Variants in CCPG1 observed in about 807,000 individuals in gnomAD.
CCPG1 encodes cell cycle progression protein 1.
A neutral mutation model predicts 81.3 loss-of-function variants in CCPG1; 46 were observed. That is an observed-to-expected ratio of 0.57 (90% CI 0.45 to 0.72). CCPG1 has a LOEUF of 0.72. Among genes scored for constraint, CCPG1 ranks in the 30% least tolerant of loss-of-function variants. The pLI is 0.00. For synonymous variants in CCPG1, 330 were observed against 305.2 expected, an observed-to-expected ratio of 1.08 and a Z score of -0.85; for missense variants, 902 against 937.6, an observed-to-expected ratio of 0.96 and a Z score of 0.50.
Position 55,385,654 on chromosome 15 carries a change from C to G in CCPG1, c.121G>C (p.Glu41Gln). The G allele has an allele frequency of 4.3e-6, 7 of 1,612,714 alleles. No individual in the cohort carries two copies. In the South Asian group the frequency reaches 6.6e-5, roughly 15 times the overall value. Residue 41 changes from glutamate to glutamine, a missense_variant, in exon 3 of 9, where the codon GAA (glutamate) becomes CAA (glutamine). Glu to Gln is a conservative substitution (Grantham distance 29). Around this residue, in one of 3 missense-constraint regions of CCPG1, gnomAD observed 746 missense variants for 728.6 expected, o/e 1.02. Transcript: ENST00000442196. ...TPTDSCEPAP[E>Q]CSSLEQEELQ... Reference sequence around the variant, plus strand: ...TCCTCTTGCTCTAAAGATGAACATTCTGGGGCGGGCTCACAGCTGTCAGTG... The same window carrying G: ...TCCTCTTGCTCTAAAGATGAACATTGTGGGGCGGGCTCACAGCTGTCAGTG...
chr15:55,368,904 G>C (rs546375852), intron 6 of CCPG1, among the ~76,000 whole-genome samples: 199 of 152,146 alleles, frequency 1.3e-3, no homozygotes, highest in African/African-American at 4.5e-3. Context: ...TTAAGGTCAG[G>C]AGTTCGAGAC....
chr15:55,391,517 T>C (rs2056913262), intron 1 of CCPG1, among the ~76,000 whole-genome samples: 1 of 151,228 alleles, frequency 6.6e-6, no homozygotes, highest in African/African-American at 2.5e-5. Context: ...AGAATCATGT[T>C]TATAATAGCT....
chr15:55,359,343 A>G, intron 8 of CCPG1, 196 bp downstream of exon 8: 2 of 1,327,660 alleles, frequency 1.5e-6, no homozygotes, highest in Non-Finnish European at 1.9e-6. Context: ...TGATCACGTT[A>G]TAATGAAATG....
intron 7 of CCPG1, among the ~76,000 whole-genome samples, chr15:55,363,710 C>G (rs1237039256): frequency 6.7e-6 from 1 of 149,490 alleles, no homozygotes; most frequent in Non-Finnish European, 1.5e-5. Flanking sequence ...AGAAATATAA[C>G]CTGTAAGGGA....
In CCPG1 at chr15:55,378,287, A is replaced by T. The variant is rs767071068; in HGVS notation, c.252+13T>A. 1 of 1,548,202 alleles carries T rather than the reference A, an allele frequency of 6.5e-7. No individual in the cohort carries two copies. Among genetic ancestry groups the T allele is most frequent in the East Asian group, 2.2e-5 (1 of 44,470 alleles). On this transcript the variant is annotated intron_variant, in intron 4 of 8. Coordinates refer to ENST00000442196, the MANE Select transcript of CCPG1 (RefSeq NM_001204450.2). ...TATTTAACATATATCCACAGTGTAA[A>T]ATACAAGTTTACCTCAATTGTTGAG...
At chr15:55,378,239 T>C (rs2056606658) in intron 4 of CCPG1, 61 bp downstream of exon 4, 1 of 1,019,560 alleles carries the variant, frequency 9.8e-7, no homozygotes, top group Non-Finnish European at 1.5e-6. Flanking sequence ...AATTAGAGGC[T>C]TTAAATAGTA....
chr15:55,381,734 A>G (rs1171068060), intron 3 of CCPG1, among the ~76,000 whole-genome samples: 3 of 152,232 alleles, frequency 2.0e-5, no homozygotes, highest in Non-Finnish European at 4.4e-5. Flanking sequence ...ATATGAACAT[A>G]AGTGTATGCA....
rs377322021 is a variant in CCPG1 at position 55,371,970 on chromosome 15, G to A, written c.529C>T (p.Arg177Ter). 4.3e-6 allele frequency: 7 copies of A among 1,614,104 alleles called. No homozygotes were observed. The highest frequency in any genetic ancestry group is 2.2e-5 in the South Asian group (2 of 91,076). The change falls in exon 6 of 9, where the codon CGA (arginine) becomes TGA (stop). Residue 177 changes from arginine to a stop codon, truncating the protein, a stop_gained. Transcript: ENST00000442196. LOFTEE classifies it high-confidence loss of function. ...ACGGTCTTCTTCCTAGCACGGCGTC[G>A]TCTAAAGGCAGGACTGGGCTGATTA... ...TSNQPSPAFR[R>*]RRARKKTVSA...
chr15:55,391,589 G>C (rs2056914580), intron 1 of CCPG1, among the ~76,000 whole-genome samples: 1 of 152,152 alleles, frequency 6.6e-6, no homozygotes, highest in Non-Finnish European at 1.5e-5. Flanking sequence ...AGGGGGAAAG[G>C]AGAATGATCA....
chr15:55,356,882 T>C, intron 8 of CCPG1: 4 of 985,992 alleles, frequency 4.1e-6, no homozygotes, highest in Non-Finnish European at 4.8e-6. Context: ...ACTACTTCAC[T>C]GGAAGTCCAT....
At chr15:55,385,409 C>T (rs544701479) in intron 3 of CCPG1, among the ~76,000 whole-genome samples, 191 bp downstream of exon 3, 3 of 152,216 alleles carry the variant, frequency 2.0e-5, no homozygotes, top group East Asian at 1.9e-4. Context: ...TCAAATGATC[C>T]GCCCACCTCA....
chr15:55,365,261 T>C lies in CCPG1; in HGVS notation c.755A>G (p.Glu252Gly). 6.5e-7 allele frequency: 1 copy of C among 1,541,760 alleles called. No individual in the cohort carries two copies. Reference sequence around the variant, plus strand: ...ATCCTTCATATCATTCAATTCATCTTCATGTATCTTTCTGACTAACTGTTG... The same window carrying C: ...ATCCTTCATATCATTCAATTCATCTCCATGTATCTTTCTGACTAACTGTTG... ...KRQQLVRKIH[E>G]DELNDMKDYL... Residue 252 changes from glutamate (E) to glycine (G), a missense_variant, in exon 7 of 9, where the codon GAA becomes GGA. By Grantham distance (98) the Glu-to-Gly change is moderately conservative (BLOSUM62 -2). Around this residue, in one of 3 missense-constraint regions of CCPG1, gnomAD observed 746 missense variants for 728.6 expected, o/e 1.02. Transcript: ENST00000442196.
At position 55,355,405 on chromosome 15, in the gene CCPG1, G is replaced by A. The variant is rs1376383708; in HGVS notation, c.*815C>T. ...ATGTCTATGAACGGAAGTTAAAAGG[G>A]AAATTCAACATGAAGATGAAATTCT... On this transcript the variant is annotated 3_prime_UTR_variant, in exon 9 of 9. Coordinates refer to ENST00000442196, the MANE Select transcript of CCPG1 (RefSeq NM_001204450.2). 6.2e-7 allele frequency: 1 copy of A among 1,607,248 alleles called. No individual in the cohort carries two copies. The highest frequency in any genetic ancestry group is 8.5e-7 in the Non-Finnish European group (1 of 1,177,380).
At chr15:55,377,912 A>ATAAG (rs66764406) in intron 4 of CCPG1, among the ~76,000 whole-genome samples, 1 of 88,096 alleles carries the variant, frequency 1.1e-5, no homozygotes, top group Non-Finnish European at 2.0e-5. Context: ...TCAGATCAGT[A>ATAAG]CAGACTAAAA....
At chr15:55,373,764 G>C (rs2056502438) in intron 5 of CCPG1, among the ~76,000 whole-genome samples, 2 of 151,984 alleles carry the variant, frequency 1.3e-5, no homozygotes, top group South Asian at 4.2e-4. Flanking sequence ...AATTAAGATA[G>C]GTAAATGTAA....
At chr15:55,387,841 G>A (rs1409669178) in intron 2 of CCPG1, among the ~76,000 whole-genome samples, 1 of 136,674 alleles carries the variant, frequency 7.3e-6, no homozygotes, top group Non-Finnish European at 1.6e-5. Context: ...CACCACGCCC[G>A]GCCTATAATT....
intron 3 of CCPG1, among the ~76,000 whole-genome samples, chr15:55,380,475 T>A (rs2141289914): frequency 6.6e-6 from 1 of 151,480 alleles, no homozygotes; most frequent in South Asian, 2.1e-4. Context: ...TTTTGTATTT[T>A]TAGTACAGAC....
intron 1 of CCPG1, among the ~76,000 whole-genome samples, chr15:55,400,582 C>CA (rs11400162): frequency 0.32 from 48,468 of 151,572 alleles, 8,891 homozygotes; most frequent in Non-Finnish European, 0.43. Context: ...ACAAAACAAA[C>CA]AAAAAAAATT....
In CCPG1 at chr15:55,360,903, T is replaced by C; in HGVS notation, c.870A>G (p.Glu290=). ...ENLARCWTLT[E]AEKMSFETQK... The stretch of plus-strand genomic sequence containing the variant: ...GAGTTTCAAAGGACATCTTCTCTGC[T>C]TCAGTAAGTGTCCAACACCTTGCAA... The change falls in exon 8 of 9, where the codon GAA becomes GAG. Residue 290 remains glutamate, a synonymous_variant. Transcript: ENST00000442196. 1 of 1,589,678 alleles carries C rather than the reference T, an allele frequency of 6.3e-7. No homozygotes were observed. The highest frequency in any genetic ancestry group is 8.5e-7 in the Non-Finnish European group (1 of 1,172,114).
Sources: gnomAD v4.1 joint callset for allele counts (sites outside exome capture counted in the v4.1 genomes callset) on GRCh38, gnomAD v4.1.1 for gene constraint, gnomAD v4.1.1 regional missense constraint, MANE v1.5 for transcripts, NCBI Gene and HGNC (gene_info 2026-07-23, HGNC 2026-07-21) for gene names.